The following ARHGDIB variants were observed in gnomAD, a reference collection of about 807,000 sequenced individuals.
ARHGDIB encodes the protein Rho GDP dissociation inhibitor beta.
Under a neutral mutation model 22.6 loss-of-function variants are expected in ARHGDIB, and 20 were observed. That is an observed-to-expected ratio of 0.88 (90% CI 0.62 to 1.28). ARHGDIB has a LOEUF of 1.28. Ranked by LOEUF, ARHGDIB falls within the 50% of genes most tolerant of loss-of-function variation. The pLI, the probability that ARHGDIB is intolerant of heterozygous loss-of-function variation, is 0.00. For synonymous variants in ARHGDIB, 114 were observed against 96.1 expected (o/e 1.19, Z -1.09); for missense variants, 254 against 245.4 (o/e 1.04, Z -0.23).
In ARHGDIB at chr12:14,949,881, C is replaced by A. The variant is rs371813152; in HGVS notation, c.186G>T (p.Pro62=). The A allele has an allele frequency of 6.8e-6, 11 of 1,612,998 alleles. No individual in the cohort carries two copies. Among genetic ancestry groups the A allele is most frequent in the Non-Finnish European group, 8.5e-6 (10 of 1,179,502 alleles). Residue 62 remains proline (P), a synonymous_variant, in exon 3 of 6, where the codon CCG becomes CCT. Coordinates refer to ENST00000228945, the MANE Select transcript of ARHGDIB (RefSeq NM_001175.7). ...LLGDGPVVTD[P]KAPNVVVTRL... is the part of the protein sequence containing the mutation. ...GGGTGACAACGACATTGGGGGCTTT[C>A]GGATCTGCAGGATCGAAAGGGAATG...
intron 1 of ARHGDIB, among the ~76,000 whole-genome samples, chr12:14,953,008 T>C (rs1026945338): frequency 3.9e-5 from 6 of 152,190 alleles, no homozygotes; most frequent in Non-Finnish European, 8.8e-5. Flanking sequence ...GGATTAGGTA[T>C]AGGACAAGAT....
Position 14,942,386 on chromosome 12 carries a change from G to T in ARHGDIB, c.*136C>A. 1.0e-6 allele frequency: 1 copy of T among 964,564 alleles called. No individual in the cohort carries two copies. Among genetic ancestry groups the T allele is most frequent in the East Asian group, 2.5e-5 (1 of 39,616 alleles). 59.8% of individuals were successfully genotyped at this position (964,564 alleles called of 1,614,324 possible). ...AGGGACCACGTTGAGTGACAGGGTG[G>T]GAAAAGATGCATCAATAAGGAAATG... On this transcript the variant is annotated 3_prime_UTR_variant, in exon 6 of 6. Coordinates refer to ENST00000228945, the MANE Select transcript of ARHGDIB (RefSeq NM_001175.7).
intron 4 of ARHGDIB, 108 bp downstream of exon 4, chr12:14,947,765 A>T (rs1864054973): frequency 1.0e-6 from 1 of 957,000 alleles, no homozygotes; most frequent in Non-Finnish European, 1.6e-6. Flanking sequence ...TGGGGGTACT[A>T]GGGGAGAAAC....
At chr12:14,946,589 T>G (rs1415892955) in intron 4 of ARHGDIB, among the ~76,000 whole-genome samples, 1 of 152,168 alleles carries the variant, frequency 6.6e-6, no homozygotes, top group Non-Finnish European at 1.5e-5. Context: ...TAGAGAGTAC[T>G]CAAAAGCCCC....
chr12:14,960,356 T>G (rs1864385784), intron 1 of ARHGDIB, among the ~76,000 whole-genome samples: 1 of 152,206 alleles, frequency 6.6e-6, no homozygotes, highest in South Asian at 2.1e-4. Flanking sequence ...GTGGCTGAAA[T>G]TCAGACCTTG....
intron 5 of ARHGDIB, among the ~76,000 whole-genome samples, chr12:14,943,114 C>T (rs374459463): frequency 6.6e-6 from 1 of 152,114 alleles, no homozygotes; most frequent in South Asian, 2.1e-4. Flanking sequence ...GTGATCCACC[C>T]GCCTCGGCCT....
chr12:14,949,684 C>G lies in ARHGDIB; in HGVS notation c.265+118G>C, dbSNP rs538038475. On this transcript the variant is annotated intron_variant, in intron 3 of 5. Transcript: ENST00000228945. ...TAAGAGCAATGATTTGTTAACTGGT[C>G]CTAGCATATATATCTCTCTGATTCA... The G allele has an allele frequency of 1.5e-5, 13 of 882,556 alleles. No homozygotes were observed. In the East Asian group the frequency reaches 1.8e-4, roughly 12 times the overall value. The allele number at this position is 882,556 out of a possible 1,614,324, so 54.7% of individuals were successfully genotyped here.
chr12:14,949,796 A>G lies in ARHGDIB; in HGVS notation c.265+6T>C, dbSNP rs770096360. The stretch of plus-strand genomic sequence containing the variant: ...CCCTTTGAACAGTACAGATGTGTCT[A>G]CATACCAGTAAGGTCCATGGTGATT... On this transcript the variant is annotated splice_donor_region_variant and intron_variant, in intron 3 of 5. Transcript: ENST00000228945. The G allele has an allele frequency of 1.2e-6, 2 of 1,613,246 alleles. No individual in the cohort carries two copies. Among genetic ancestry groups the G allele is most frequent in the Non-Finnish European group, 1.7e-6 (2 of 1,179,380 alleles).
chr12:14,949,944 G>T, intron 2 of ARHGDIB, 59 bp from the exon 3 acceptor site: 1 of 1,418,598 alleles, frequency 7.0e-7, no homozygotes, highest in Non-Finnish European at 9.8e-7. Context: ...GTGGGTGTGT[G>T]CATTTCAAGT....
At chr12:14,943,377 G>GTTTTTTTTT (rs10713403) in intron 5 of ARHGDIB, among the ~76,000 whole-genome samples, 2 of 143,886 alleles carry the variant, frequency 1.4e-5, no homozygotes, top group African/African-American at 5.2e-5. Context: ...GATTAAGCCT[G>GTTTTTTTTT]TTTTTTTTTT....
At chr12:14,944,899 T>A in intron 4 of ARHGDIB, 60 bp from the exon 5 acceptor site, 2 of 1,464,014 alleles carry the variant, frequency 1.4e-6, no homozygotes, top group Non-Finnish European at 9.5e-7. Context: ...TTTTCTCATC[T>A]TTCATGCTGA....
Position 14,942,641 on chromosome 12 carries a change from G to C in ARHGDIB, c.487C>G (p.Pro163Ala). The change falls in exon 6 of 6, where the codon CCC becomes GCC. Residue 163 changes from proline (P) to alanine (A), a missense_variant. Physicochemically the swap from Pro to Ala is conservative, Grantham distance 27. Coordinates refer to ENST00000228945, the MANE Select transcript of ARHGDIB (RefSeq NM_001175.7). ...GTGCCTCGCGCCAGCATGCCCTTGG[G>C]AGCCTCCTCAACTGGAGTGAGGAAC... The part of the protein sequence containing the change: ...YEFLTPVEEA[P>A]KGMLARGTYH... 1 of 1,614,118 alleles carries C rather than the reference G, an allele frequency of 6.2e-7. No homozygotes were observed. Among genetic ancestry groups the C allele is most frequent in the South Asian group, 1.1e-5 (1 of 91,078 alleles).
At chr12:14,959,097 C>T (rs1003671551) in intron 1 of ARHGDIB, among the ~76,000 whole-genome samples, 14 of 152,254 alleles carry the variant, frequency 9.2e-5, no homozygotes, top group Middle Eastern at 3.4e-3. Context: ...CACTTCAGCT[C>T]GGGTGACAGA....
In ARHGDIB at chr12:14,942,807, A is replaced by G. The variant is rs993217823; in HGVS notation, c.407-86T>C. ...AACTGGAGAATCTGGACTACAGCCT[A>G]CAGTGATTAAAGTCAAGAGCAATGG... is the stretch of plus-strand genomic sequence containing the variant. On this transcript the variant is annotated intron_variant, in intron 5 of 5. Coordinates refer to ENST00000228945, the MANE Select transcript of ARHGDIB (RefSeq NM_001175.7). 62 of 1,183,582 alleles carry G rather than the reference A, an allele frequency of 5.2e-5. No homozygotes were observed. In the South Asian group the frequency reaches 7.4e-4, roughly 14 times the overall value. The allele number at this position is 1,183,582 out of a possible 1,614,324, so 73.3% of individuals were successfully genotyped here. A position where few individuals can be genotyped will look rare whatever the true frequency, so the allele number is the denominator to read the frequency against.
chr12:14,959,231 C>T (rs1864361734), intron 1 of ARHGDIB, among the ~76,000 whole-genome samples: 1 of 152,146 alleles, frequency 6.6e-6, no homozygotes, highest in African/African-American at 2.4e-5. Context: ...CCAGCCCTGG[C>T]AACATGGAGA....
chr12:14,952,757 G>A (rs1358567375), intron 1 of ARHGDIB, among the ~76,000 whole-genome samples: 7 of 152,178 alleles, frequency 4.6e-5, no homozygotes, highest in African/African-American at 1.7e-4. Flanking sequence ...TGCTGACCGA[G>A]CATCGGAACA....
chr12:14,948,097 C>T (rs61127533), intron 3 of ARHGDIB, 148 bp from the exon 4 acceptor site: 1 of 501,724 alleles, frequency 2.0e-6, no homozygotes, highest in South Asian at 2.0e-5. Context: ...GAGTTTAGTC[C>T]TTGCACACAC....
chr12:14,947,583 C>T (rs916319534), intron 4 of ARHGDIB: 1 of 312,648 alleles, frequency 3.2e-6, no homozygotes, highest in African/African-American at 2.1e-5. Flanking sequence ...ACAGGTGGTA[C>T]AACACAAAGC....
chr12:14,949,465 T>G (rs1168680739), intron 3 of ARHGDIB, among the ~76,000 whole-genome samples: 2 of 151,928 alleles, frequency 1.3e-5, no homozygotes, highest in East Asian at 3.8e-4. Context: ...TGTATAAACC[T>G]TATAACTTCA....
Sources: gnomAD v4.1 joint callset for allele counts (sites outside exome capture counted in the v4.1 genomes callset) on GRCh38, gnomAD v4.1.1 for gene constraint, MANE v1.5 for transcripts, NCBI Gene and HGNC (gene_info 2026-07-23, HGNC 2026-07-21) for gene names.